The following AK9 variants were observed in gnomAD, a reference collection of about 807,000 sequenced individuals.
AK9 encodes adenylate kinase domain containing 1.
A neutral mutation model predicts 239.6 loss-of-function variants in AK9; 191 were observed. The ratio of observed to expected loss-of-function variants is 0.80; its 90% CI spans 0.71 to 0.90. AK9 has a LOEUF of 0.90. AK9 is among the 40% of genes least tolerant of loss of function. The probability of loss-of-function intolerance (pLI) is 0.00; values close to 1 mark genes in which losing one functional copy is unlikely to be tolerated. For synonymous variants in AK9, 689 were observed against 721.0 expected, an observed-to-expected ratio of 0.96 and a Z score of 0.71; for missense variants, 1,995 against 2,214.7, an observed-to-expected ratio of 0.90 and a Z score of 1.99.
At chr6:109,599,988 G>C (rs1218365908) in intron 17 of AK9, among the ~76,000 whole-genome samples, 1 of 152,244 alleles carries the variant, frequency 6.6e-6, no homozygotes, top group Non-Finnish European at 1.5e-5. Flanking sequence ...CTGAGACGAT[G>C]GGGTTTTCTA....
intron 12 of AK9, among the ~76,000 whole-genome samples, chr6:109,622,465 TTAATA>T (rs1794991057): frequency 1.4e-5 from 2 of 142,656 alleles, no homozygotes; most frequent in African/African-American, 2.5e-5. Flanking sequence ...TAATATAATA[TTAATA>T]TAATATATAT....
At chr6:109,636,597 G>C (rs925531062) in intron 10 of AK9, among the ~76,000 whole-genome samples, 2 of 149,830 alleles carry the variant, frequency 1.3e-5, no homozygotes, top group African/African-American at 4.9e-5. Flanking sequence ...CCTACATTCT[G>C]TCTCTATGAA....
chr6:109,530,975 G>A (rs1032920348), intron 28 of AK9, among the ~76,000 whole-genome samples: 20 of 152,150 alleles, frequency 1.3e-4, no homozygotes, highest in African/African-American at 3.4e-4. Flanking sequence ...CCCAAGTGGC[G>A]GAGGTTGCAA....
chr6:109,628,710 G>A (rs1210246314), intron 12 of AK9, among the ~76,000 whole-genome samples: 1 of 152,092 alleles, frequency 6.6e-6, no homozygotes, highest in Non-Finnish European at 1.5e-5. Context: ...ATTTCCTGAT[G>A]AGGTTAGGCA....
In AK9 at chr6:109,533,299, C is replaced by A. The variant is rs147042397; in HGVS notation, c.3522G>T (p.Lys1174Asn). The stretch of plus-strand genomic sequence containing the variant: ...TGATCAGTTTCTTCCTTTCTAATTT[C>A]TTCTTTTGTTTTAGTTTCCACTTTT... ...QIEKWKLKQK[K>N]KLERKKLIKD... Residue 1174 changes from lysine to asparagine, a missense_variant, in exon 28 of 41, where the codon AAG becomes AAT. Coordinates refer to ENST00000424296, the MANE Select transcript of AK9 (RefSeq NM_001145128.3). 131 of 1,610,770 alleles carry A rather than the reference C, an allele frequency of 8.1e-5. No homozygotes were observed. The highest frequency in any genetic ancestry group is 3.3e-4 in the Middle Eastern group (2 of 6,044).
chr6:109,652,131 T>G (rs1234834213), intron 8 of AK9, among the ~76,000 whole-genome samples: 2 of 152,204 alleles, frequency 1.3e-5, no homozygotes, highest in Non-Finnish European at 2.9e-5. Context: ...AGATCCCTGA[T>G]GAACATCGAT....
intron 23 of AK9, 47 bp from the exon 24 acceptor site, chr6:109,563,759 G>T (rs1453435469): frequency 6.6e-7 from 1 of 1,512,736 alleles, no homozygotes; most frequent in South Asian, 1.2e-5. Flanking sequence ...AGTAAAAAAG[G>T]TTATTAGCAT....
intron 21 of AK9, 101 bp downstream of exon 21, chr6:109,573,341 A>T (rs1411615859): frequency 7.9e-7 from 1 of 1,271,574 alleles, no homozygotes; most frequent in Admixed American, 3.2e-5. Flanking sequence ...CTCCATTCTC[A>T]GCCAGCTTCC....
At chr6:109,622,181 A>T (rs898381778) in intron 12 of AK9, among the ~76,000 whole-genome samples, 1 of 145,762 alleles carries the variant, frequency 6.9e-6, no homozygotes, top group African/African-American at 2.5e-5. Context: ...TATTTTATAC[A>T]TTATATATAA....
intron 8 of AK9, among the ~76,000 whole-genome samples, chr6:109,648,611 A>C (rs1361945834): frequency 1.3e-5 from 2 of 152,166 alleles, no homozygotes; most frequent in East Asian, 1.9e-4. Context: ...AGCTTACCAA[A>C]CAAAAAGAGT....
intron 10 of AK9, among the ~76,000 whole-genome samples, chr6:109,636,121 G>A (rs543414700): frequency 2.0e-5 from 3 of 152,240 alleles, no homozygotes; most frequent in African/African-American, 7.2e-5. Flanking sequence ...TGTGTGACTC[G>A]AAAGCCAAAA....
At chr6:109,604,830 CTATT>C (rs1407882309) in intron 17 of AK9, among the ~76,000 whole-genome samples, 2 of 152,096 alleles carry the variant, frequency 1.3e-5, no homozygotes, top group African/African-American at 2.4e-5. Flanking sequence ...ATTTATGTCT[CTATT>C]TATTGATATA....
At position 109,619,084 on chromosome 6, in the gene AK9, T is replaced by C. The variant is rs188403687; in HGVS notation, c.1399+8A>G. On this transcript the variant is annotated splice_region_variant and intron_variant, in intron 13 of 40. Coordinates refer to ENST00000424296, the MANE Select transcript of AK9 (RefSeq NM_001145128.3). ...ACTTAAAACACACATTTTAAAAAGATGTTTCACCTTGTTTTCTAGCTTGCA... is the reference window on the plus strand; with the variant it reads ...ACTTAAAACACACATTTTAAAAAGACGTTTCACCTTGTTTTCTAGCTTGCA... 8.5e-6 allele frequency: 13 copies of C among 1,530,236 alleles called. No homozygotes were observed. The African/African-American group carries it at 1.4e-4, about 16-fold the overall frequency. 94.8% of individuals were successfully genotyped at this position (1,530,236 alleles called of 1,614,324 possible).
chr6:109,684,646 G>A (rs6910897), intron 1 of AK9, among the ~76,000 whole-genome samples: 54,531 of 142,934 alleles, frequency 0.38, 10,439 homozygotes, highest in African/African-American at 0.57. Flanking sequence ...AGGCCGAGGC[G>A]GGCGGATCAC....
chr6:109,501,373 TA>T (rs1403692820), intron 35 of AK9, among the ~76,000 whole-genome samples: 1 of 152,108 alleles, frequency 6.6e-6, no homozygotes, highest in Non-Finnish European at 1.5e-5. Flanking sequence ...AGGCCACATG[TA>T]ATCCTGAAAA....
At position 109,497,896 on chromosome 6, in the gene AK9, T is replaced by A; in HGVS notation, c.5116A>T (p.Ile1706Phe). 3 of 1,614,046 alleles carry A rather than the reference T, an allele frequency of 1.9e-6. No individual in the cohort carries two copies. The highest frequency in any genetic ancestry group is 2.5e-6 in the Non-Finnish European group (3 of 1,179,972). Residue 1706 changes from isoleucine to phenylalanine, a missense_variant, in exon 37 of 41, where the codon ATC becomes TTC. Physicochemically the swap from Ile to Phe is conservative, Grantham distance 21. Coordinates refer to ENST00000424296, the MANE Select transcript of AK9 (RefSeq NM_001145128.3). Reference sequence around the variant, plus strand: ...TCTGACAGTGTCAGTCTTTTGGGGATCATGTCAGCAGATGGGAGTGGATGA... The same window carrying A: ...TCTGACAGTGTCAGTCTTTTGGGGAACATGTCAGCAGATGGGAGTGGATGA... ...APHPLPSADM[I>F]PKRLTLSELK...
chr6:109,493,385 T>C lies in AK9; in HGVS notation c.5720A>G (p.Asp1907Gly). 1 of 1,613,804 alleles carries C rather than the reference T, an allele frequency of 6.2e-7. No individual in the cohort carries two copies. Among genetic ancestry groups the C allele is most frequent in the Non-Finnish European group, 8.5e-7 (1 of 1,179,840 alleles). Reference sequence around the variant, plus strand: ...CTAAGTAAACTACCCATTAATTGGGTCTATATTTCTGAGAGAGAGAAAGGT... The same window carrying C: ...CTAAGTAAACTACCCATTAATTGGGCCTATATTTCTGAGAGAGAGAAAGGT... ...LKTFLSLRNI[D>G]PING Residue 1907 changes from aspartate to glycine, a missense_variant, in exon 41 of 41, where the codon GAC (aspartate) becomes GGC (glycine). Physicochemically the swap from Asp to Gly is moderately conservative, Grantham distance 94. Coordinates refer to ENST00000424296, the MANE Select transcript of AK9 (RefSeq NM_001145128.3).
chr6:109,632,033 G>T, intron 12 of AK9: 1 of 383,414 alleles, frequency 2.6e-6, no homozygotes, highest in East Asian at 1.6e-4. Context: ...AGAGTGAGGA[G>T]ACTGGTATTG....
At chr6:109,583,058 C>A (rs973687568) in intron 19 of AK9, among the ~76,000 whole-genome samples, 19 of 152,230 alleles carry the variant, frequency 1.2e-4, no homozygotes, top group African/African-American at 4.6e-4. Context: ...TAATAGATGA[C>A]AATATTGTGT....
Sources: gnomAD v4.1 joint callset for allele counts (sites outside exome capture counted in the v4.1 genomes callset) on GRCh38, gnomAD v4.1.1 for gene constraint, MANE v1.5 for transcripts, NCBI Gene and HGNC (gene_info 2026-07-23, HGNC 2026-07-21) for gene names.